The following SIK2 variants were observed in gnomAD, a reference collection of about 807,000 sequenced individuals.
SIK2 encodes serine/threonine-protein kinase SIK2.
A neutral mutation model predicts 103.2 loss-of-function variants in SIK2; 29 were observed. That is an observed-to-expected ratio of 0.28 (90% CI 0.21 to 0.38). The LOEUF (loss-of-function observed/expected upper bound fraction) is 0.38. Among genes scored for constraint, SIK2 ranks in the 10% least tolerant of loss-of-function variants. The pLI is 1.00. For missense variants in SIK2, 879 were observed against 1,171.0 expected (o/e 0.75, Z 3.64); for synonymous variants, 412 against 446.1 (o/e 0.92, Z 0.96).
chr11:111,695,562 G>A (rs533855776), intron 4 of SIK2, among the ~76,000 whole-genome samples: 108 of 152,062 alleles, frequency 7.1e-4, no homozygotes, highest in Non-Finnish European at 1.0e-3. Flanking sequence ...ATTTTTCACC[G>A]CCTCTGTTTT....
rs1464444205 is a variant in SIK2 at position 111,606,895 on chromosome 11, C to T, written c.135+4197C>T. 2.0e-5 allele frequency among the ~76,000 whole-genome samples: 3 copies of T among 150,924 alleles called. No individual in the cohort carries two copies. The Admixed American group carries it at 2.0e-4, about 10-fold the overall frequency. ...GTGGGAGGCCAATGCAGATGGGTTG[C>T]TTGAGGCCAGGAGTTGGAGACCAGC... On this transcript the variant is annotated intron_variant, in intron 1 of 14. Coordinates refer to ENST00000304987, the MANE Select transcript of SIK2 (RefSeq NM_015191.3).
intron 3 of SIK2, among the ~76,000 whole-genome samples, chr11:111,632,041 GA>G (rs1371681323): frequency 1.3e-5 from 2 of 152,112 alleles, no homozygotes; most frequent in African/African-American, 4.8e-5. Context: ...TAAATAAGAA[GA>G]AAGAGTTGAA....
At chr11:111,670,366 G>A (rs1942609048) in intron 3 of SIK2, among the ~76,000 whole-genome samples, 1 of 152,198 alleles carries the variant, frequency 6.6e-6, no homozygotes, top group South Asian at 2.1e-4. Context: ...TTCGTGAAAC[G>A]TAAAGCCAGA....
chr11:111,699,019 T>G lies in SIK2; in HGVS notation c.479-1867T>G, dbSNP rs186340878. On this transcript the variant is annotated intron_variant, in intron 4 of 14. Coordinates refer to ENST00000304987, the MANE Select transcript of SIK2 (RefSeq NM_015191.3). ...TGAGAGTATAGTTTTTCTAGAAAATTAGAAATATATATATCTGTATGTGTC... is the reference window on the plus strand; with the variant it reads ...TGAGAGTATAGTTTTTCTAGAAAATGAGAAATATATATATCTGTATGTGTC... Among the ~76,000 whole-genome samples, 1,011 of 152,310 alleles carry G rather than the reference T, an allele frequency of 6.6e-3. 8 individuals carry two copies. The highest frequency in any genetic ancestry group is 0.061 in the Middle Eastern group (18 of 294).
rs558690499 is a variant in SIK2 at position 111,637,456 on chromosome 11, C to CTTTTTT, written c.316+17070_316+17075dup. 6.0e-3 allele frequency among the ~76,000 whole-genome samples: 748 copies of CTTTTTT among 124,682 alleles called. 20 individuals carry two copies. Among genetic ancestry groups the CTTTTTT allele is most frequent in the African/African-American group, 0.022 (712 of 31,944 alleles). 81.8% of individuals were successfully genotyped at this position (124,682 alleles called of 152,430 possible). A position where few individuals can be genotyped will look rare whatever the true frequency, so the allele number is the denominator to read the frequency against. On this transcript the variant is annotated intron_variant, in intron 3 of 14. Coordinates refer to ENST00000304987, the MANE Select transcript of SIK2 (RefSeq NM_015191.3). ...ATCTTATCTGATCATTTTGTAATAT[C>CTTTTTT]TTTTTTTTTTTTTTTTTTTTTGAGA... is the stretch of plus-strand genomic sequence containing the variant.
At chr11:111,689,966 TTG>T (rs1017158440) in intron 4 of SIK2, among the ~76,000 whole-genome samples, 4 of 143,136 alleles carry the variant, frequency 2.8e-5, no homozygotes, top group Admixed American at 6.9e-5. Context: ...TTATATTCAT[TTG>T]TGTGTGTGTG....
chr11:111,631,132 AT>A (rs1243251335), intron 3 of SIK2, among the ~76,000 whole-genome samples: 1 of 152,198 alleles, frequency 6.6e-6, no homozygotes, highest in Non-Finnish European at 1.5e-5. Context: ...TGCAGTTACA[AT>A]GATAATTAGA....
rs908002731 is a variant in SIK2, at chr11:111,722,496, G to A, written c.2056-169G>A. ...GTGAGGTCAGAGATGGCCCAGGCCT[G>A]CGGGCCCGATGCTCTTTCAGGGTCT... On this transcript the variant is annotated intron_variant, in intron 13 of 14. Transcript: ENST00000304987. This position sits in a 1 kb window ranked among gnomAD's most constrained non-coding sequence, Gnocchi z 4.4. Among the ~76,000 whole-genome samples the A allele has an allele frequency of 2.6e-5, 4 of 152,246 alleles. No homozygotes were observed. Among genetic ancestry groups the A allele is most frequent in the African/African-American group, 4.8e-5 (2 of 41,460 alleles).
Position 111,635,263 on chromosome 11 carries a change from A to G in SIK2, c.316+14861A>G, listed in dbSNP as rs796629614. On this transcript the variant is annotated intron_variant, in intron 3 of 14. Transcript: ENST00000304987. The stretch of plus-strand genomic sequence containing the variant: ...TACTATAAACATCCTTGATTAAGCC[A>G]CATAATGTTTCTGAACCTCAGTGTG... 1.2e-4 allele frequency among the ~76,000 whole-genome samples: 18 copies of G among 152,202 alleles called. 1 individual carries two copies. Among genetic ancestry groups the G allele is most frequent in the African/African-American group, 4.1e-4 (17 of 41,532 alleles).
chr11:111,625,181 G>T (rs754743810), intron 3 of SIK2, among the ~76,000 whole-genome samples: 1 of 152,116 alleles, frequency 6.6e-6, no homozygotes, highest in Non-Finnish European at 1.5e-5. Context: ...AACCATTTTC[G>T]GCTGGATTTC....
chr11:111,669,964 T>G (rs1025643659), intron 3 of SIK2, among the ~76,000 whole-genome samples: 3 of 152,364 alleles, frequency 2.0e-5, no homozygotes, highest in South Asian at 4.1e-4. Flanking sequence ...AATAATATAT[T>G]CATATAAATT....
In SIK2 at chr11:111,725,500, T is replaced by A. The variant is rs1943937296; in HGVS notation, c.*1371T>A. The stretch of plus-strand genomic sequence containing the variant: ...TAGCTAACTGTATCCCTAGAAATGA[T>A]GAATAATTTGCCATTTGGACAGTTA... On this transcript the variant is annotated 3_prime_UTR_variant, in exon 15 of 15. Coordinates refer to ENST00000304987, the MANE Select transcript of SIK2 (RefSeq NM_015191.3). 6.6e-6 allele frequency: 1 copy of A among 152,554 alleles called. No individual in the cohort carries two copies. The highest frequency in any genetic ancestry group is 1.5e-5 in the Non-Finnish European group (1 of 68,038). 9.5% of individuals were successfully genotyped at this position (152,554 alleles called of 1,614,324 possible).
chr11:111,647,960 C>G (rs1334833190), intron 3 of SIK2, among the ~76,000 whole-genome samples: 1 of 151,812 alleles, frequency 6.6e-6, no homozygotes, highest in African/African-American at 2.4e-5. Flanking sequence ...TCTGCAGTCT[C>G]AAAAATGGAG....
At chr11:111,624,503 A>G (rs886487860) in intron 3 of SIK2, among the ~76,000 whole-genome samples, 1 of 151,720 alleles carries the variant, frequency 6.6e-6, no homozygotes, top group Non-Finnish European at 1.5e-5. Context: ...TTTCCTCTTT[A>G]TTCATTTTAT....
At chr11:111,645,501 A>G (rs1445137259) in intron 3 of SIK2, among the ~76,000 whole-genome samples, 1 of 152,224 alleles carries the variant, frequency 6.6e-6, no homozygotes, top group African/African-American at 2.4e-5. Context: ...GTTTAGGACT[A>G]TGTGCGTAGT....
chr11:111,637,300 G>A (rs575801347), intron 3 of SIK2, among the ~76,000 whole-genome samples: 1 of 151,286 alleles, frequency 6.6e-6, no homozygotes, highest in Non-Finnish European at 1.5e-5. Context: ...AACTTCTTAA[G>A]CATTTTACTT....
At chr11:111,655,607 G>A (rs527672759) in intron 3 of SIK2, among the ~76,000 whole-genome samples, 1 of 152,266 alleles carries the variant, frequency 6.6e-6, no homozygotes, top group African/African-American at 2.4e-5. Context: ...TGGTAATGAT[G>A]GCGGTGATAG....
At chr11:111,664,938 A>G (rs1942515653) in intron 3 of SIK2, among the ~76,000 whole-genome samples, 1 of 152,128 alleles carries the variant, frequency 6.6e-6, no homozygotes, top group Admixed American at 6.5e-5. Context: ...CAATTCTAAG[A>G]ATTTACACAT....
At chr11:111,617,536 T>C (rs1216299653) in intron 2 of SIK2, among the ~76,000 whole-genome samples, 1 of 152,156 alleles carries the variant, frequency 6.6e-6, no homozygotes, top group Non-Finnish European at 1.5e-5. Flanking sequence ...TAACATGATG[T>C]TAGTAGCTCA....
Sources: gnomAD v4.1 joint callset for allele counts (sites outside exome capture counted in the v4.1 genomes callset) on GRCh38, gnomAD v4.1.1 for gene constraint, Gnocchi (gnomAD v3.1) non-coding constraint, MANE v1.5 for transcripts, NCBI Gene and HGNC (gene_info 2026-07-23, HGNC 2026-07-21) for gene names.